TEP1: variants seen among roughly 807,000 people sequenced by gnomAD.
TEP1 encodes telomerase protein component 1.
Under a neutral mutation model 306.3 loss-of-function variants are expected in TEP1, and 241 were observed. That is an observed-to-expected ratio of 0.79 (90% CI 0.71 to 0.88). The LOEUF is 0.88. Among genes scored for constraint, TEP1 ranks in the 40% least tolerant of loss-of-function variants. The probability of loss-of-function intolerance (pLI) is 0.00; values close to 1 mark genes in which losing one functional copy is unlikely to be tolerated. For synonymous variants in TEP1, 1,289 were observed against 1,305.5 expected, an observed-to-expected ratio of 0.99 and a Z score of 0.27; for missense variants, 3,051 against 3,276.1, an observed-to-expected ratio of 0.93 and a Z score of 1.68.
Position 20,374,446 on chromosome 14 carries a change from TCA to T in TEP1, c.6452_6453del (p.Val2151GlufsTer40). On this transcript the variant is annotated frameshift_variant, in exon 44 of 55. Transcript: ENST00000262715. LOFTEE classifies it high-confidence loss of function. ...LGQFLGHQSA[V>X]SAVAAVEEHV... ...TTTCTCACCACAGCTGCCACAGCGC[TCA>T]CAGCACTCTGATGACCCAGGAACTG... 1 of 1,613,006 alleles carries T rather than the reference TCA, an allele frequency of 6.2e-7. No homozygotes were observed.
chr14:20,407,861 T>G lies in TEP1; in HGVS notation c.567+12A>C. 1 of 1,576,824 alleles carries G rather than the reference T, an allele frequency of 6.3e-7. No homozygotes were observed. The highest frequency in any genetic ancestry group is 8.6e-7 in the Non-Finnish European group (1 of 1,160,918). ...CATGGCTGGAGTCAAGATGAGTGCC[T>G]GGAGCTATTACCAAAGTTGCTTCCT... On this transcript the variant is annotated intron_variant, in intron 2 of 54. Coordinates refer to ENST00000262715, the MANE Select transcript of TEP1 (RefSeq NM_007110.5).
chr14:20,407,073 C>T (rs559370657), intron 2 of TEP1, among the ~76,000 whole-genome samples: 15 of 152,218 alleles, frequency 9.9e-5, no homozygotes, highest in Non-Finnish European at 2.1e-4. Context: ...TGTCCCTCAA[C>T]CCGAAACACA....
At chr14:20,389,588 C>G in intron 16 of TEP1, 22 bp downstream of exon 16, 1 of 1,612,412 alleles carries the variant, frequency 6.2e-7, no homozygotes, top group South Asian at 1.1e-5. Flanking sequence ...TGACACTGGG[C>G]AGGAAGTATA....
intron 9 of TEP1, among the ~76,000 whole-genome samples, chr14:20,399,770 G>A (rs1160369441): frequency 4.0e-5 from 6 of 151,728 alleles, no homozygotes; most frequent in Non-Finnish European, 8.8e-5. Flanking sequence ...CCTCAACCAG[G>A]ATAAATGACA....
intron 8 of TEP1, 84 bp from the exon 9 acceptor site, chr14:20,401,225 G>A (rs1878708739): frequency 3.3e-6 from 5 of 1,511,972 alleles, no homozygotes; most frequent in Non-Finnish European, 4.5e-6. Flanking sequence ...CATGTTTACA[G>A]GGCATGTCTG....
At chr14:20,375,673 C>A (rs1044626018) in intron 43 of TEP1, 82 bp downstream of exon 43, 2 of 828,944 alleles carry the variant, frequency 2.4e-6, no homozygotes, top group Non-Finnish European at 4.0e-6. Flanking sequence ...TTAATGGGTG[C>A]CAGAAAAAGG....
intron 1 of TEP1, among the ~76,000 whole-genome samples, chr14:20,412,680 CTT>C (rs10717377): frequency 0.051 from 5,327 of 105,162 alleles, 53 homozygotes; most frequent in Admixed American, 0.076. Context: ...TCACTCTTTC[CTT>C]TTTTTTTTTT....
chr14:20,405,553 C>T lies in TEP1; in HGVS notation c.768G>A (p.Leu256=). The change falls in exon 4 of 55, where the codon CTG becomes CTA. Residue 256 remains leucine, a synonymous_variant. Transcript: ENST00000262715. ...MALLSLLCST[L]VSEVNMNNTS... The stretch of plus-strand genomic sequence containing the variant: ...TATTGTTCATGTTTACTTCTGAGAC[C>T]AGAGTAGAGCACAGCAAGCTCAGTA... 6.2e-7 allele frequency: 1 copy of T among 1,613,996 alleles called. No homozygotes were observed.
intron 1 of TEP1, among the ~76,000 whole-genome samples, chr14:20,413,121 C>A (rs898101756): frequency 2.0e-5 from 3 of 152,198 alleles, no homozygotes; most frequent in Admixed American, 2.0e-4. Flanking sequence ...ATGATTCTTA[C>A]GTGGTCTCTC....
At position 20,401,584 on chromosome 14, in the gene TEP1, G is replaced by A; in HGVS notation, c.1267-3C>T. The A allele has an allele frequency of 6.2e-7, 1 of 1,613,960 alleles. No individual in the cohort carries two copies. The highest frequency in any genetic ancestry group is 8.5e-7 in the Non-Finnish European group (1 of 1,179,946). On this transcript the variant is annotated splice_region_variant and splice_polypyrimidine_tract_variant and intron_variant, in intron 7 of 54. Transcript: ENST00000262715. ...ACTGTATCACCGGCCTTCTCAAACT[G>A]TGGAAACATCCCCAAGTCCCACAGG...
At chr14:20,406,493 G>C in intron 2 of TEP1, 93 bp from the exon 3 acceptor site, 1 of 1,309,938 alleles carries the variant, frequency 7.6e-7, no homozygotes, top group South Asian at 1.3e-5. Context: ...CACGGGAAAA[G>C]TCTACATCTC....
chr14:20,381,960 G>A lies in TEP1; in HGVS notation c.4377C>T (p.Asp1459=), dbSNP rs745530291. 1.9e-6 allele frequency: 3 copies of A among 1,614,132 alleles called. No individual in the cohort carries two copies. In the South Asian group the frequency reaches 3.3e-5, roughly 18 times the overall value. ...AGGCAAACGGGCCCATGGGGTAGGG[G>A]TCTCCACTGTTACCAGCAGCCACTG... ...EEAVAAGNSG[D]PYPMGPFACL... Residue 1459 remains aspartate (D), a synonymous_variant, in exon 30 of 55, where the codon GAC becomes GAT. Coordinates refer to ENST00000262715, the MANE Select transcript of TEP1 (RefSeq NM_007110.5). This position sits in a 1 kb window ranked among gnomAD's most constrained non-coding sequence, Gnocchi z 4.0.
At chr14:20,396,494 A>T (rs1376294883) in intron 10 of TEP1, 127 bp downstream of exon 10, 4 of 669,660 alleles carry the variant, frequency 6.0e-6, no homozygotes, top group Non-Finnish European at 1.0e-5. Context: ...TACAGCCCAC[A>T]TGGAAACAGC....
rs780234187 is a variant in TEP1 at position 20,381,728 on chromosome 14, C to T, written c.4425-42G>A. 1 of 1,553,324 alleles carries T rather than the reference C, an allele frequency of 6.4e-7. No homozygotes were observed. Among genetic ancestry groups the T allele is most frequent in the South Asian group, 1.2e-5 (1 of 82,056 alleles). On this transcript the variant is annotated intron_variant, in intron 30 of 54. Coordinates refer to ENST00000262715, the MANE Select transcript of TEP1 (RefSeq NM_007110.5). The surrounding 1 kb of genome is among the most constrained non-coding windows in gnomAD (Gnocchi z 4.0). ...AAGGGAGAGAGAAGAAGGAAGAGGC[C>T]TGTCAGTGAGCTTCCTGGCACACAG...
At position 20,381,694 on chromosome 14, in the gene TEP1, C is replaced by T. The variant is rs759092050; in HGVS notation, c.4425-8G>A. 16 of 1,592,734 alleles carry T rather than the reference C, an allele frequency of 1.0e-5. No individual in the cohort carries two copies. The highest frequency in any genetic ancestry group is 1.4e-5 in the Non-Finnish European group (16 of 1,170,844). ...GGGCCCTCCCCTAGCAAACTGTCCTCGTGTGAGGAAGGGAGAGAGAAGAAG... is the reference window on the plus strand; with the variant it reads ...GGGCCCTCCCCTAGCAAACTGTCCTTGTGTGAGGAAGGGAGAGAGAAGAAG... On this transcript the variant is annotated splice_region_variant and splice_polypyrimidine_tract_variant and intron_variant, in intron 30 of 54. Coordinates refer to ENST00000262715, the MANE Select transcript of TEP1 (RefSeq NM_007110.5). The surrounding 1 kb of genome is among the most constrained non-coding windows in gnomAD (Gnocchi z 4.0).
rs1458410177 is a variant in TEP1, at chr14:20,413,477, C to G, written c.-97G>C. 1 of 152,294 alleles carries G rather than the reference C, an allele frequency of 6.6e-6. No homozygotes were observed. The highest frequency in any genetic ancestry group is 2.1e-4 in the South Asian group (1 of 4,834). The allele number at this position is 152,294 out of a possible 1,614,324, so 9.4% of individuals were successfully genotyped here. A position where few individuals can be genotyped will look rare whatever the true frequency, so the allele number is the denominator to read the frequency against. On this transcript the variant is annotated 5_prime_UTR_variant, in exon 1 of 55. Transcript: ENST00000262715. ...TTCTGCCGGTGGGAAGGGTGGCAGC[C>G]GGGGGAGGAGCCGGATGCGGATCTG...
intron 16 of TEP1, 22 bp downstream of exon 16, chr14:20,389,588 C>A (rs766485108): frequency 1.9e-6 from 3 of 1,612,294 alleles, no homozygotes; most frequent in Non-Finnish European, 2.5e-6. Context: ...TGACACTGGG[C>A]AGGAAGTATA....
rs767589651 is a variant in TEP1, at chr14:20,382,013, G to C, written c.4324C>G (p.Pro1442Ala). The C allele has an allele frequency of 3.1e-6, 5 of 1,614,102 alleles. No homozygotes were observed. In the South Asian group the frequency reaches 5.5e-5, roughly 18 times the overall value. The change falls in exon 30 of 55, where the codon CCG becomes GCG. Residue 1442 changes from proline to alanine, a missense_variant. Physicochemically the swap from Pro to Ala is conservative, Grantham distance 27. Coordinates refer to ENST00000262715, the MANE Select transcript of TEP1 (RefSeq NM_007110.5). Reference sequence around the variant, plus strand: ...TCTTCCCAGCTCTTAGTCCCCTTCGGTAGTGTCCGCCACACACTCAGCACT... The same window carrying C: ...TCTTCCCAGCTCTTAGTCCCCTTCGCTAGTGTCCGCCACACACTCAGCACT... ...HGVLSVWRTLPKGTKSWEEAV... is the reference protein window; with the variant it reads ...HGVLSVWRTLAKGTKSWEEAV...
intron 12 of TEP1, among the ~76,000 whole-genome samples, chr14:20,393,810 C>A (rs1397808347): frequency 6.7e-6 from 1 of 150,172 alleles, no homozygotes; most frequent in Non-Finnish European, 1.5e-5. Flanking sequence ...AGCCAGGGTG[C>A]TTAGCTAATG....
Sources: allele counts gnomAD v4.1 joint callset (sites outside exome capture counted in the v4.1 genomes callset), GRCh38; gene constraint gnomAD v4.1.1; non-coding constraint Gnocchi (gnomAD v3.1); transcripts MANE v1.5; gene names NCBI Gene and HGNC (gene_info 2026-07-23, HGNC 2026-07-21).